Variants in TRRAP observed in about 807,000 individuals in gnomAD.
TRRAP encodes transformation/transcription domain-associated protein.
In TRRAP, 41 loss-of-function variants were observed where a neutral mutation model predicts 438.8. The ratio of observed to expected loss-of-function variants is 0.09; its 90% CI spans 0.07 to 0.12. The LOEUF (loss-of-function observed/expected upper bound fraction) is 0.12. Ranked by LOEUF, TRRAP falls within the 10% of genes least tolerant of loss-of-function variation. The pLI is 1.00. For synonymous variants in TRRAP, 1,994 were observed against 1,962.9 expected (o/e 1.02, Z -0.42); for missense variants, 3,122 against 5,055.1 (o/e 0.62, Z 11.60).
intron 17 of TRRAP, among the ~76,000 whole-genome samples, chr7:98,911,543 A>T (rs569427495): frequency 6.6e-6 from 1 of 152,124 alleles, no homozygotes; most frequent in Non-Finnish European, 1.5e-5. Context: ...GAGGCCGGGG[A>T]TTGCTTGAGC....
rs1795268300 is a variant in TRRAP, at chr7:98,878,590, G to A, written c.-109G>A. On this transcript the variant is annotated 5_prime_UTR_variant, in exon 1 of 73. Coordinates refer to ENST00000456197, the MANE Select transcript of TRRAP (RefSeq NM_001375524.1). Reference sequence around the variant, plus strand: ...TGCGACGAGGGCTCGGCTGGGGGTCGCCGGGGTCGCGGGCCGGGCCTGCAG... The same window carrying A: ...TGCGACGAGGGCTCGGCTGGGGGTCACCGGGGTCGCGGGCCGGGCCTGCAG... 1 of 151,274 alleles carries A rather than the reference G, an allele frequency of 6.6e-6. No homozygotes were observed. The highest frequency in any genetic ancestry group is 1.5e-5 in the Non-Finnish European group (1 of 67,732). The allele number at this position is 151,274 out of a possible 1,614,324, so 9.4% of individuals were successfully genotyped here.
Position 98,927,218 on chromosome 7 carries a change from C to G in TRRAP, c.3027C>G (p.Ala1009=). The change falls in exon 23 of 73, where the codon GCC becomes GCG. Residue 1009 remains alanine, a synonymous_variant. Transcript: ENST00000456197. ...TTATCATCTCACATCGCTACAAAGC[C>G]CAGGACACTCCAGCCCGGAAGACTT... ...PNVIISHRYK[A]QDTPARKTFE... is the part of the protein sequence containing the mutation. 6.2e-7 allele frequency: 1 copy of G among 1,614,192 alleles called. No individual in the cohort carries two copies. The highest frequency in any genetic ancestry group is 1.1e-5 in the South Asian group (1 of 91,080).
rs11326725 is a variant in TRRAP, at chr7:98,889,045, CTT to C, written c.151-1270_151-1269del. ...ATTTGAATCCACTTCCAAAACTTTA[CTT>C]TTTTTTTTTTTTTTTTTTTGATATG... On this transcript the variant is annotated intron_variant, in intron 3 of 72. Transcript: ENST00000456197. 7.9e-3 allele frequency among the ~76,000 whole-genome samples: 655 copies of C among 82,456 alleles called. 2 individuals are homozygous for C. Among genetic ancestry groups the C allele is most frequent in the Middle Eastern group, 0.015 (2 of 132 alleles). 54.1% of individuals were successfully genotyped at this position (82,456 alleles called of 152,430 possible).
At chr7:98,944,587 G>T (rs372635570) in intron 31 of TRRAP, among the ~76,000 whole-genome samples, 1 of 152,132 alleles carries the variant, frequency 6.6e-6, no homozygotes, top group East Asian at 1.9e-4. Flanking sequence ...GAAACTCAGA[G>T]GCCATGGTGT....
intron 44 of TRRAP, among the ~76,000 whole-genome samples, chr7:98,958,731 G>C (rs940903084): frequency 6.6e-6 from 1 of 152,104 alleles, no homozygotes; most frequent in Non-Finnish European, 1.5e-5. Flanking sequence ...TTAACTTCCA[G>C]GTGTTCTTTT....
At chr7:98,891,813 C>T (rs1006468629) in intron 4 of TRRAP, among the ~76,000 whole-genome samples, 1 of 152,192 alleles carries the variant, frequency 6.6e-6, no homozygotes, top group African/African-American at 2.4e-5. Context: ...GCTGGGATTA[C>T]AGGCGTGAGC....
intron 64 of TRRAP, 121 bp from the exon 65 acceptor site, chr7:98,992,016 T>C: frequency 9.2e-7 from 1 of 1,090,316 alleles, no homozygotes; most frequent in South Asian, 1.3e-5. Flanking sequence ...TTTGCTTCCT[T>C]GGTCCAAAGG....
rs781958080 is a variant in TRRAP, at chr7:98,949,590, C to G, written c.4953+9C>G. On this transcript the variant is annotated intron_variant, in intron 36 of 72. Coordinates refer to ENST00000456197, the MANE Select transcript of TRRAP (RefSeq NM_001375524.1). Reference sequence around the variant, plus strand: ...AGTTCCAGGCCATCAAGGTAGCGCCCCTTCCTCCAGCCCCCAATGCCCAGG... The same window carrying G: ...AGTTCCAGGCCATCAAGGTAGCGCCGCTTCCTCCAGCCCCCAATGCCCAGG... 6.3e-7 allele frequency: 1 copy of G among 1,584,200 alleles called. No homozygotes were observed. The highest frequency in any genetic ancestry group is 1.2e-5 in the South Asian group (1 of 86,604).
At chr7:98,991,149 C>T (rs1189634564) in intron 64 of TRRAP, among the ~76,000 whole-genome samples, 1 of 152,220 alleles carries the variant, frequency 6.6e-6, no homozygotes, top group African/African-American at 2.4e-5. Flanking sequence ...GAAAGGCTCT[C>T]ATAACCATCT....
At chr7:98,953,701 A>C (rs1791454094) in intron 40 of TRRAP, among the ~76,000 whole-genome samples, 1 of 152,198 alleles carries the variant, frequency 6.6e-6, no homozygotes, top group Admixed American at 6.5e-5. Context: ...GGGAAGATGC[A>C]AACATTCCGG....
At chr7:98,981,327 G>A (rs1280057393) in intron 58 of TRRAP, among the ~76,000 whole-genome samples, 2 of 152,150 alleles carry the variant, frequency 1.3e-5, no homozygotes, top group Non-Finnish European at 2.9e-5. Flanking sequence ...GCTTGAACCT[G>A]GGAGGCAGAG....
intron 8 of TRRAP, among the ~76,000 whole-genome samples, chr7:98,898,378 G>A (rs1011566023): frequency 2.0e-5 from 3 of 152,164 alleles, no homozygotes; most frequent in Admixed American, 6.5e-5. Flanking sequence ...GGCATGGTCC[G>A]CAGGTAATGT....
intron 56 of TRRAP, among the ~76,000 whole-genome samples, chr7:98,977,603 G>A (rs1720911393): frequency 6.6e-6 from 1 of 152,204 alleles, no homozygotes; most frequent in Non-Finnish European, 1.5e-5. Context: ...AGATGCCAGC[G>A]TGGATGCTTT....
intron 26 of TRRAP, 131 bp downstream of exon 26, chr7:98,931,796 C>G: frequency 8.0e-7 from 1 of 1,255,550 alleles, no homozygotes; most frequent in African/African-American, 1.5e-5. Flanking sequence ...GTTCCAGGAC[C>G]CTGCGTGGGT....
Position 98,955,274 on chromosome 7 carries a change from C to T in TRRAP, c.5907C>T (p.His1969=), listed in dbSNP as rs1369455921. 30 of 1,613,866 alleles carry T rather than the reference C, an allele frequency of 1.9e-5. No homozygotes were observed. Among genetic ancestry groups the T allele is most frequent in the Non-Finnish European group, 2.5e-5 (30 of 1,179,912 alleles). ...GGCACACCGTCCCGCAGCTGGTCCA[C>T]ATTCTGCACCTGATAGTGCAACACT... The part of the protein sequence containing the change: ...EEGHTVPQLV[H]ILHLIVQHFK... Residue 1969 remains histidine, a synonymous_variant, in exon 41 of 73, where the codon CAC becomes CAT. Coordinates refer to ENST00000456197, the MANE Select transcript of TRRAP (RefSeq NM_001375524.1).
In TRRAP at chr7:98,971,918, G is replaced by C; in HGVS notation, c.7812G>C (p.Lys2604Asn). ...QLHMLTNRHDKFLDTLREVKT... is the reference protein window; with the variant it reads ...QLHMLTNRHDNFLDTLREVKT... Reference sequence around the variant, plus strand: ...ACATGCTAACCAACAGGCACGACAAGTTTCTGGACACTCTCCGAGAGGTGA... The same window carrying C: ...ACATGCTAACCAACAGGCACGACAACTTTCTGGACACTCTCCGAGAGGTGA... Residue 2604 changes from lysine to asparagine, a missense_variant, in exon 53 of 73, where the codon AAG becomes AAC. By Grantham distance (94) the Lys-to-Asn change is moderately conservative. Coordinates refer to ENST00000456197, the MANE Select transcript of TRRAP (RefSeq NM_001375524.1). The C allele has an allele frequency of 6.2e-7, 1 of 1,614,212 alleles. No individual in the cohort carries two copies. Among genetic ancestry groups the C allele is most frequent in the Non-Finnish European group, 8.5e-7 (1 of 1,180,030 alleles).
Position 98,994,927 on chromosome 7 carries a change from T to G in TRRAP, c.10309+79T>G, listed in dbSNP as rs1255059516. 6.4e-7 allele frequency: 1 copy of G among 1,558,324 alleles called. No individual in the cohort carries two copies. Among genetic ancestry groups the G allele is most frequent in the East Asian group, 2.3e-5 (1 of 44,416 alleles). On this transcript the variant is annotated intron_variant, in intron 67 of 72. Coordinates refer to ENST00000456197, the MANE Select transcript of TRRAP (RefSeq NM_001375524.1). This position sits in a 1 kb window ranked among gnomAD's most constrained non-coding sequence, Gnocchi z 4.8. ...CTCCGGCTTTAGTGTTGAAGCTGATTGGATCCTTGGTTTTCTGATCACTGC... is the reference window on the plus strand; with the variant it reads ...CTCCGGCTTTAGTGTTGAAGCTGATGGGATCCTTGGTTTTCTGATCACTGC...
chr7:98,959,015 C>T (rs189029337), intron 44 of TRRAP, among the ~76,000 whole-genome samples: 74 of 152,196 alleles, frequency 4.9e-4, no homozygotes, highest in African/African-American at 1.8e-3. Context: ...TTTCCAAGTA[C>T]TGAAAAGGAT....
intron 27 of TRRAP, among the ~76,000 whole-genome samples, chr7:98,934,868 G>T (rs1215697336): frequency 6.6e-6 from 1 of 152,094 alleles, no homozygotes; most frequent in African/African-American, 2.4e-5. Flanking sequence ...GAATGGGGTG[G>T]GTGGCTTGAA....
Sources: allele counts gnomAD v4.1 joint callset (sites outside exome capture counted in the v4.1 genomes callset), GRCh38; gene constraint gnomAD v4.1.1; non-coding constraint Gnocchi (gnomAD v3.1); transcripts MANE v1.5; gene names NCBI Gene and HGNC (gene_info 2026-07-23, HGNC 2026-07-21).